Variants in CPLANE1 observed in about 807,000 individuals in gnomAD.
The protein encoded by CPLANE1 is ciliogenesis and planar polarity effector 1.
CPLANE1 carries 263 observed loss-of-function variants against 362.5 expected under a neutral mutation model. That is an observed-to-expected ratio of 0.73 (90% CI 0.66 to 0.80). The LOEUF is 0.80. Ranked by LOEUF, CPLANE1 falls within the 30% of genes least tolerant of loss-of-function variation. CPLANE1 has a pLI of 0.00. For missense variants in CPLANE1, 3,461 were observed against 3,793.4 expected (o/e 0.91, Z 2.30); for synonymous variants, 1,212 against 1,302.6 (o/e 0.93, Z 1.50).
intron 36 of CPLANE1, among the ~76,000 whole-genome samples, chr5:37,164,864 G>GGAGGCTGA (rs1362240904): frequency 6.6e-6 from 1 of 152,198 alleles, no homozygotes; most frequent in East Asian, 1.9e-4. Context: ...AAGTGTTTTA[G>GGAGGCTGA]GAGGCTGAGG....
At chr5:37,083,717 C>T in the CPLANE1 span, among the ~76,000 whole-genome samples, 6,297 of 152,164 alleles carry the variant, frequency 0.041, 443 homozygotes, top group African/African-American at 0.14. Context: ...TAACCCAATC[C>T]AACAAAGACA....
rs1428776294 is a variant in CPLANE1, at chr5:37,227,802, C to G, written c.1137G>C (p.Thr379=). The G allele has an allele frequency of 2.6e-6, 4 of 1,550,330 alleles. No individual in the cohort carries two copies. Among genetic ancestry groups the G allele is most frequent in the Non-Finnish European group, 3.5e-6 (4 of 1,146,394 alleles). Reference sequence around the variant, plus strand: ...CAACAGAATTATTTGAATCTTGAAACGTAAACTGCTGTGGTCTAGTAAACA... The same window carrying G: ...CAACAGAATTATTTGAATCTTGAAAGGTAAACTGCTGTGGTCTAGTAAACA... The part of the protein sequence containing the change: ...PLITYRPQQF[T]FQDSNNSVDS... Residue 379 remains threonine, a synonymous_variant, in exon 10 of 53, where the codon ACG becomes ACC. Coordinates refer to ENST00000651892, the MANE Select transcript of CPLANE1 (RefSeq NM_001384732.1).
chr5:37,091,244 T>C, the CPLANE1 span, among the ~76,000 whole-genome samples: 2 of 152,176 alleles, frequency 1.3e-5, no homozygotes, highest in Admixed American at 6.5e-5. Flanking sequence ...TGTACATGTA[T>C]CCGTTGATAC....
intron 44 of CPLANE1, chr5:37,141,621 G>A: frequency 2.1e-6 from 2 of 965,674 alleles, no homozygotes; most frequent in Non-Finnish European, 2.5e-6. Context: ...AATGGTAATA[G>A]AACATATACT....
chr5:37,077,259 G>A, the CPLANE1 span, among the ~76,000 whole-genome samples: 1 of 152,050 alleles, frequency 6.6e-6, no homozygotes, highest in Non-Finnish European at 1.5e-5. Context: ...GTTTATTAGT[G>A]CATATGTAGA....
chr5:37,204,067 A>C (rs1425422969), intron 18 of CPLANE1, among the ~76,000 whole-genome samples: 2 of 152,218 alleles, frequency 1.3e-5, no homozygotes, highest in Admixed American at 1.3e-4. Context: ...GAGTTTTCAG[A>C]TCATTTAAAA....
At position 37,132,994 on chromosome 5, in the gene CPLANE1, T is replaced by C. The variant is rs529391073; in HGVS notation, c.8792+5726A>G. ...CCAGTTTCATTCTTCTGCGTATGGC[T>C]AACCAGCTCTCTCACAACCTTTATA... is the stretch of plus-strand genomic sequence containing the variant. On this transcript the variant is annotated intron_variant, in intron 46 of 52. Transcript: ENST00000651892. Among the ~76,000 whole-genome samples the C allele has an allele frequency of 2.0e-5, 3 of 152,322 alleles. No homozygotes were observed. The East Asian group carries it at 5.8e-4, about 29-fold the overall frequency.
chr5:37,242,839 TA>T lies in CPLANE1; in HGVS notation c.677+173del, dbSNP rs376022376. On this transcript the variant is annotated intron_variant, in intron 6 of 52. Transcript: ENST00000651892. Reference sequence around the variant, plus strand: ...CCCAGGAGTGCAAGAACTTGTCTGTTAAAAAAAAAAAAAAAATTAGCCAGGC... The same window carrying T: ...CCCAGGAGTGCAAGAACTTGTCTGTTAAAAAAAAAAAAAAATTAGCCAGGC... 8.8e-3 allele frequency among the ~76,000 whole-genome samples: 1,213 copies of T among 138,502 alleles called. 2 individuals are homozygous for T. Among genetic ancestry groups the T allele is most frequent in the African/African-American group, 0.015 (550 of 37,726 alleles). The allele number at this position is 138,502 out of a possible 152,430, so 90.9% of individuals were successfully genotyped here.
At chr5:37,229,641 T>C in intron 9 of CPLANE1, among the ~76,000 whole-genome samples, 1 of 152,206 alleles carries the variant, frequency 6.6e-6, no homozygotes, top group East Asian at 1.9e-4. Flanking sequence ...CAAATGTCTT[T>C]TCCAACTTTT....
intron 26 of CPLANE1, among the ~76,000 whole-genome samples, chr5:37,182,207 A>ATT (rs1782846700): frequency 6.6e-6 from 1 of 152,090 alleles, no homozygotes; most frequent in African/African-American, 2.4e-5. Flanking sequence ...ACACACACAC[A>ATT]CTCACATCCT....
At chr5:37,213,808 T>C (rs1793279705) in intron 15 of CPLANE1, 76 bp from the exon 16 acceptor site, 2 of 1,209,502 alleles carry the variant, frequency 1.7e-6, no homozygotes. Context: ...CCCAACATTA[T>C]ACAAAAAGAA....
chr5:37,191,500 G>A (rs555287173), intron 21 of CPLANE1, among the ~76,000 whole-genome samples: 12 of 152,046 alleles, frequency 7.9e-5, no homozygotes, highest in East Asian at 1.9e-4. Flanking sequence ...GTGAAACCCC[G>A]TCTCTACTAA....
At chr5:37,222,162 G>A (rs1269227394) in intron 14 of CPLANE1, among the ~76,000 whole-genome samples, 1 of 152,048 alleles carries the variant, frequency 6.6e-6, no homozygotes, top group Non-Finnish European at 1.5e-5. Context: ...ATCTTATTTG[G>A]GGATATAATG....
intron 21 of CPLANE1, among the ~76,000 whole-genome samples, chr5:37,191,281 G>A (rs372455617): frequency 2.6e-5 from 4 of 152,196 alleles, no homozygotes; most frequent in African/African-American, 4.8e-5. Flanking sequence ...ACCTGTAATC[G>A]TAGCACTTCG....
In CPLANE1 at chr5:37,227,717, G is replaced by A. The variant is rs189796608; in HGVS notation, c.1222C>T (p.Arg408Trp). The change falls in exon 10 of 53, where the codon CGG becomes TGG. Residue 408 changes from arginine (R) to tryptophan (W), a missense_variant. Arg to Trp is a moderately radical substitution (Grantham distance 101, BLOSUM62 -3). Transcript: ENST00000651892. Reference sequence around the variant, plus strand: ...TCAGATATAACGAGGTAGGGTAACCGTGAGTGTGCTTTTATAGAAAATCTC... The same window carrying A: ...TCAGATATAACGAGGTAGGGTAACCATGAGTGTGCTTTTATAGAAAATCTC... ...RQRFSIKAHS[R>W]LPYLVISDGY... is the part of the protein sequence containing the mutation. 9.0e-5 allele frequency: 139 copies of A among 1,551,468 alleles called. 1 individual carries two copies. The highest frequency in any genetic ancestry group is 8.4e-4 in the Middle Eastern group (5 of 5,988).
the CPLANE1 span, among the ~76,000 whole-genome samples, chr5:37,094,986 C>G: frequency 6.6e-6 from 1 of 152,102 alleles, no homozygotes; most frequent in African/African-American, 2.4e-5. Flanking sequence ...GGATTCACAA[C>G]AGAATTCTAC....
intron 15 of CPLANE1, among the ~76,000 whole-genome samples, chr5:37,217,701 G>A (rs908246273): frequency 6.6e-6 from 1 of 151,804 alleles, no homozygotes; most frequent in Non-Finnish European, 1.5e-5. Context: ...ACCCGGCTGG[G>A]CGAAGTGGCT....
chr5:37,137,466 G>A (rs1031339238), intron 46 of CPLANE1, among the ~76,000 whole-genome samples: 9 of 152,046 alleles, frequency 5.9e-5, no homozygotes, highest in Non-Finnish European at 1.0e-4. Flanking sequence ...TTCCAAAGTC[G>A]CTTCCACATT....
chr5:37,245,569 C>A lies in CPLANE1; in HGVS notation c.247G>T (p.Gly83Ter), dbSNP rs1554117456. ...DAWLAGVLTT[G>*]ELFLWNKDQD... Reference sequence around the variant, plus strand: ...TCTTTGTTCCAAAGGAAAAGCTCTCCTGTAGTTAGTACCCCAGCCAGCCAG... The same window carrying A: ...TCTTTGTTCCAAAGGAAAAGCTCTCATGTAGTTAGTACCCCAGCCAGCCAG... The change falls in exon 4 of 53, where the codon GGA becomes TGA. Residue 83 changes from glycine (G) to a stop codon, truncating the protein, a stop_gained. Transcript: ENST00000651892. LOFTEE classifies it high-confidence loss of function. 6.6e-7 allele frequency: 1 copy of A among 1,525,294 alleles called. No individual in the cohort carries two copies. Among genetic ancestry groups the A allele is most frequent in the East Asian group, 2.5e-5 (1 of 40,094 alleles). The allele number at this position is 1,525,294 out of a possible 1,614,324, so 94.5% of individuals were successfully genotyped here.
Sources: allele counts gnomAD v4.1 joint callset (sites outside exome capture counted in the v4.1 genomes callset), GRCh38; gene constraint gnomAD v4.1.1; transcripts MANE v1.5; gene names NCBI Gene and HGNC (gene_info 2026-07-23, HGNC 2026-07-21).